The following BCAT1 variants were observed in gnomAD, a reference collection of about 807,000 sequenced individuals.
BCAT1 encodes the protein branched-chain-amino-acid aminotransferase, cytosolic.
Under a neutral mutation model 52.4 loss-of-function variants are expected in BCAT1, and 48 were observed. The observed-to-expected ratio is 0.92, with a 90% CI of 0.73 to 1.16. The LOEUF is 1.16. Ranked by LOEUF, BCAT1 falls within the 50% of genes most tolerant of loss-of-function variation. BCAT1 has a pLI of 0.00. For synonymous variants in BCAT1, 167 were observed against 161.3 expected, an observed-to-expected ratio of 1.04 and a Z score of -0.27; for missense variants, 451 against 457.1, an observed-to-expected ratio of 0.99 and a Z score of 0.12.
intron 5 of BCAT1, among the ~76,000 whole-genome samples, chr12:24,869,459 T>C (rs1326102671): frequency 6.6e-6 from 1 of 152,206 alleles, no homozygotes; most frequent in Non-Finnish European, 1.5e-5. Context: ...TAAGTTCCAT[T>C]ATTCTCACCT....
intron 1 of BCAT1, among the ~76,000 whole-genome samples, chr12:24,926,625 C>T (rs1943592440): frequency 6.6e-6 from 1 of 152,180 alleles, no homozygotes; most frequent in South Asian, 2.1e-4. Flanking sequence ...AAAAATTCTT[C>T]TGCCTTGGGA....
chr12:24,903,042 C>T, intron 1 of BCAT1: 2 of 1,394,196 alleles, frequency 1.4e-6, no homozygotes, highest in South Asian at 3.1e-5. Context: ...ACGGAGCGCG[C>T]GGCTGGAAGC....
intron 1 of BCAT1, among the ~76,000 whole-genome samples, chr12:24,944,689 C>T (rs936053806): frequency 6.6e-6 from 1 of 152,070 alleles, no homozygotes; most frequent in African/African-American, 2.4e-5. Context: ...ATCTACACAC[C>T]GAAATAAAGA....
intron 5 of BCAT1, among the ~76,000 whole-genome samples, chr12:24,864,647 T>C (rs906503905): frequency 6.6e-6 from 1 of 151,442 alleles, no homozygotes; most frequent in African/African-American, 2.5e-5. Context: ...TATGCCATAA[T>C]ATCTCCCAAC....
At chr12:24,895,527 GA>G (rs542528934) in intron 2 of BCAT1, among the ~76,000 whole-genome samples, 2,039 of 110,486 alleles carry the variant, frequency 0.018, 37 homozygotes, top group African/African-American at 0.063. Flanking sequence ...CTCTGTCTCA[GA>G]AAAAAAAAAA....
At chr12:24,831,581 G>A (rs547319107) in intron 9 of BCAT1, among the ~76,000 whole-genome samples, 30 of 152,268 alleles carry the variant, frequency 2.0e-4, no homozygotes, top group African/African-American at 6.7e-4. Flanking sequence ...CTTGGGAGGC[G>A]GAGGTTGCAG....
chr12:24,822,705 T>C (rs1272061148), intron 10 of BCAT1, among the ~76,000 whole-genome samples: 1 of 152,212 alleles, frequency 6.6e-6, no homozygotes, highest in Non-Finnish European at 1.5e-5. Context: ...CTAAACAATT[T>C]GTAGCACATT....
intron 1 of BCAT1, among the ~76,000 whole-genome samples, chr12:24,917,900 T>C (rs189341673): frequency 4.6e-5 from 7 of 152,310 alleles, no homozygotes; most frequent in African/African-American, 1.4e-4. Context: ...TCTCAAGAAC[T>C]CTTAACTCTT....
At chr12:24,890,663 G>A in intron 3 of BCAT1, among the ~76,000 whole-genome samples, 1 of 152,074 alleles carries the variant, frequency 6.6e-6, no homozygotes, top group East Asian at 1.9e-4. Context: ...AAAAGGGGAG[G>A]AACCCTCAGT....
chr12:24,901,817 A>C lies in BCAT1; in HGVS notation c.75T>G (p.Phe25Leu). ...AAGCCTCTGGCAAGCAACTTACCTT[A>C]AAAGTCCCCACCACCTCTTTTGATC... ...EGGSKEVVGTFKAKDLIVTPA... is the reference protein window; with the variant it reads ...EGGSKEVVGTLKAKDLIVTPA... Residue 25 changes from phenylalanine to leucine, a missense_variant, in exon 2 of 11, where the codon TTT becomes TTG. By Grantham distance (22) the Phe-to-Leu change is conservative. Transcript: ENST00000261192. 1 of 1,613,846 alleles carries C rather than the reference A, an allele frequency of 6.2e-7. No individual in the cohort carries two copies. Among genetic ancestry groups the C allele is most frequent in the Non-Finnish European group, 8.5e-7 (1 of 1,179,826 alleles).
At chr12:24,870,936 T>A (rs186645550) in intron 5 of BCAT1, among the ~76,000 whole-genome samples, 79 of 152,020 alleles carry the variant, frequency 5.2e-4, no homozygotes, top group South Asian at 3.9e-3. Flanking sequence ...GGCAGGAGAA[T>A]CGCTTGAATT....
chr12:24,947,932 A>G (rs1943958016), intron 1 of BCAT1, among the ~76,000 whole-genome samples: 1 of 152,246 alleles, frequency 6.6e-6, no homozygotes, highest in Non-Finnish European at 1.5e-5. Flanking sequence ...CCACTCGGTT[A>G]CTGTTTAATT....
intron 5 of BCAT1, among the ~76,000 whole-genome samples, chr12:24,853,656 TATA>T (rs1463535503): frequency 6.6e-6 from 1 of 152,148 alleles, no homozygotes; most frequent in Non-Finnish European, 1.5e-5. Context: ...TATTTTATTA[TATA>T]ATATTAAACA....
chr12:24,822,044 G>A (rs1409299667), intron 10 of BCAT1, among the ~76,000 whole-genome samples: 1 of 152,132 alleles, frequency 6.6e-6, no homozygotes, highest in African/African-American at 2.4e-5. Flanking sequence ...TGAGTATGAT[G>A]GTGAGTAACT....
At chr12:24,858,853 T>C (rs1941767468) in intron 5 of BCAT1, among the ~76,000 whole-genome samples, 1 of 152,232 alleles carries the variant, frequency 6.6e-6, no homozygotes, top group African/African-American at 2.4e-5. Context: ...AAAAGACTGT[T>C]TTAAGTTACA....
At chr12:24,935,293 A>G (rs1182311425) in intron 1 of BCAT1, among the ~76,000 whole-genome samples, 1 of 152,226 alleles carries the variant, frequency 6.6e-6, no homozygotes, top group East Asian at 1.9e-4. Flanking sequence ...GTGGACATGA[A>G]GCCAAGGCAT....
chr12:24,900,887 T>C (rs1943085829), intron 2 of BCAT1, among the ~76,000 whole-genome samples: 1 of 152,206 alleles, frequency 6.6e-6, no homozygotes. Flanking sequence ...GCTGAGATCG[T>C]GCCACTGCAC....
intron 3 of BCAT1, among the ~76,000 whole-genome samples, chr12:24,893,087 T>C (rs1355814178): frequency 1.3e-5 from 2 of 152,212 alleles, no homozygotes; most frequent in Non-Finnish European, 2.9e-5. Context: ...AAAAGCATCC[T>C]AGTAATTTTG....
chr12:24,840,150 G>T (rs1359740435), intron 7 of BCAT1, among the ~76,000 whole-genome samples: 1 of 152,160 alleles, frequency 6.6e-6, no homozygotes, highest in Non-Finnish European at 1.5e-5. Flanking sequence ...AATGTTTCAT[G>T]ATTATTGTTT....
Sources: gnomAD v4.1 joint callset for allele counts (sites outside exome capture counted in the v4.1 genomes callset) on GRCh38, gnomAD v4.1.1 for gene constraint, MANE v1.5 for transcripts, NCBI Gene and HGNC (gene_info 2026-07-23, HGNC 2026-07-21) for gene names.